RBFOX1: variants seen among roughly 807,000 people sequenced by gnomAD.
The protein encoded by RBFOX1 is RNA binding protein fox-1 homolog 1.
In RBFOX1, 8 loss-of-function variants were observed where a neutral mutation model predicts 57.7. The observed-to-expected ratio is 0.14, with a 90% CI of 0.08 to 0.25. The LOEUF is 0.25. Among genes scored for constraint, RBFOX1 ranks in the 10% least tolerant of loss-of-function variants. RBFOX1 has a pLI of 1.00. For missense variants in RBFOX1, 611 were observed against 548.5 expected (o/e 1.11, Z -1.14); for synonymous variants, 326 against 222.4 (o/e 1.47, Z -4.15).
chr16:6,796,393 A>G (rs2084053428), intron 3 of RBFOX1, among the ~76,000 whole-genome samples: 1 of 152,136 alleles, frequency 6.6e-6, no homozygotes, highest in Non-Finnish European at 1.5e-5. Context: ...GGCAAAACCA[A>G]GAAATAGCAA....
chr16:6,908,468 C>T (rs1393369661), intron 3 of RBFOX1, among the ~76,000 whole-genome samples: 11 of 152,120 alleles, frequency 7.2e-5, no homozygotes, highest in South Asian at 6.2e-4. Flanking sequence ...AGACTTTCTC[C>T]CCAGCATGCC....
intron 4 of RBFOX1, among the ~76,000 whole-genome samples, chr16:7,075,575 T>G (rs554760716): frequency 2.0e-5 from 3 of 152,046 alleles, no homozygotes; most frequent in Non-Finnish European, 4.4e-5. Context: ...TTTTTCTTTT[T>G]TTTATTTATT....
chr16:5,699,503 C>T lies in RBFOX1; in HGVS notation c.318+100542C>T, dbSNP rs943242266. On this transcript the variant is annotated intron_variant, in intron 3 of 19. Coordinates refer to the RBFOX1 transcript ENST00000641259. ...TCTTAACTGAAGGCAATTTTGCCCC[C>T]AAGAGGATGTTTTAGATAGAGAGTT... Among the ~76,000 whole-genome samples, 7 of 151,882 alleles carry T rather than the reference C, an allele frequency of 4.6e-5. No homozygotes were observed. In the East Asian group the frequency reaches 9.7e-4, roughly 21 times the overall value.
intron 1 of RBFOX1, among the ~76,000 whole-genome samples, chr16:6,183,550 G>A (rs890219834): frequency 4.0e-5 from 6 of 151,780 alleles, no homozygotes; most frequent in Non-Finnish European, 7.4e-5. Context: ...GGATATGTTC[G>A]ATTGGGTAAG....
chr16:6,876,310 T>C (rs1159546650), intron 3 of RBFOX1, among the ~76,000 whole-genome samples: 4 of 152,294 alleles, frequency 2.6e-5, no homozygotes, highest in African/African-American at 9.6e-5. Flanking sequence ...GGTCAGCATA[T>C]TCAATGGACA....
At chr16:6,667,262 A>G (rs905681586) in intron 3 of RBFOX1, among the ~76,000 whole-genome samples, 1 of 152,156 alleles carries the variant, frequency 6.6e-6, no homozygotes, top group African/African-American at 2.4e-5. Flanking sequence ...ACACAGTGGT[A>G]ACCCAGAGAG....
chr16:7,396,422 G>A (rs2098139901), intron 4 of RBFOX1, among the ~76,000 whole-genome samples: 1 of 152,048 alleles, frequency 6.6e-6, no homozygotes, highest in Non-Finnish European at 1.5e-5. Context: ...ATGACTCAGG[G>A]CATCTTTTCA....
intron 2 of RBFOX1, among the ~76,000 whole-genome samples, chr16:5,528,940 A>G (rs1056541395): frequency 9.9e-5 from 15 of 151,970 alleles, no homozygotes; most frequent in Admixed American, 2.0e-4. Context: ...GTGAGCCACC[A>G]TGCCTGGCCA....
At chr16:6,640,624 TAAATA>T (rs2098479603) in intron 2 of RBFOX1, among the ~76,000 whole-genome samples, 1 of 151,820 alleles carries the variant, frequency 6.6e-6, no homozygotes, top group Admixed American at 6.6e-5. Flanking sequence ...AATAAATAAA[TAAATA>T]AATAAATACT....
intron 4 of RBFOX1, among the ~76,000 whole-genome samples, chr16:5,964,486 C>G (rs1467854756): frequency 6.6e-6 from 1 of 152,000 alleles, no homozygotes. Flanking sequence ...TATGAAATGA[C>G]CTAAGAGTCC....
At chr16:5,711,985 A>C (rs1486898663) in intron 3 of RBFOX1, among the ~76,000 whole-genome samples, 1 of 152,208 alleles carries the variant, frequency 6.6e-6, no homozygotes, top group Admixed American at 6.5e-5. Context: ...GGTTTAATTG[A>C]CTCATAGTTC....
intron 4 of RBFOX1, among the ~76,000 whole-genome samples, chr16:7,427,378 G>A (rs2098630950): frequency 1.3e-5 from 2 of 152,284 alleles, no homozygotes; most frequent in African/African-American, 2.4e-5. Context: ...CTGCTGGTCT[G>A]AGAACCCCCA....
At chr16:6,296,746 T>C (rs927917385) in intron 1 of RBFOX1, among the ~76,000 whole-genome samples, 4 of 152,176 alleles carry the variant, frequency 2.6e-5, no homozygotes, top group African/African-American at 7.2e-5. Flanking sequence ...ACTTAGCATA[T>C]GGCATGGCAC....
intron 3 of RBFOX1, among the ~76,000 whole-genome samples, chr16:5,649,951 C>T (rs560377661): frequency 2.6e-5 from 4 of 152,268 alleles, no homozygotes; most frequent in South Asian, 2.1e-4. Context: ...AATCGCCTCC[C>T]GGTGGAACAC....
At chr16:7,007,811 C>T (rs2093389341) in intron 3 of RBFOX1, among the ~76,000 whole-genome samples, 1 of 152,184 alleles carries the variant, frequency 6.6e-6, no homozygotes, top group Non-Finnish European at 1.5e-5. Flanking sequence ...TTGAAGCCTG[C>T]ACGCTCCTGT....
chr16:6,808,380 A>C (rs1319562154), intron 3 of RBFOX1, among the ~76,000 whole-genome samples: 1 of 151,946 alleles, frequency 6.6e-6, no homozygotes, highest in Non-Finnish European at 1.5e-5. Flanking sequence ...TTCAATGCCT[A>C]AAGTATTGCT....
intron 1 of RBFOX1, among the ~76,000 whole-genome samples, chr16:5,455,029 C>CTCTG (rs202134434): frequency 5.9e-4 from 53 of 90,024 alleles, no homozygotes; most frequent in African/African-American, 2.1e-3. Flanking sequence ...CTTTCTCTCT[C>CTCTG]TCTGTCTGTC....
exon 3 of RBFOX1, chr16:5,600,119 C>G (rs1476395746): frequency 7.0e-6 from 1 of 143,080 alleles, no homozygotes; most frequent in Admixed American, 7.0e-5. Context: ...GAAACCCTGT[C>G]TCTACTAAAA....
At chr16:6,933,284 ATTTAT>A (rs1195857426) in intron 3 of RBFOX1, among the ~76,000 whole-genome samples, 1 of 152,144 alleles carries the variant, frequency 6.6e-6, no homozygotes, top group Non-Finnish European at 1.5e-5. Context: ...TCATAGAGTA[ATTTAT>A]TTATTTATTT....
Sources: allele counts gnomAD v4.1 joint callset (sites outside exome capture counted in the v4.1 genomes callset), GRCh38; gene constraint gnomAD v4.1.1; transcripts MANE v1.5; gene names NCBI Gene and HGNC (gene_info 2026-07-23, HGNC 2026-07-21).